Variants in ELOVL5 observed in about 807,000 individuals in gnomAD.
The protein encoded by ELOVL5 is very long chain fatty acid elongase 5.
In ELOVL5, 8 loss-of-function variants were observed where a neutral mutation model predicts 38.6. The ratio of observed to expected loss-of-function variants is 0.21; its 90% CI spans 0.12 to 0.37. ELOVL5 has a LOEUF of 0.37. Among genes scored for constraint, ELOVL5 ranks in the 10% least tolerant of loss-of-function variants. The probability of loss-of-function intolerance (pLI) is 1.00; values close to 1 mark genes in which losing one functional copy is unlikely to be tolerated. For synonymous variants in ELOVL5, 127 were observed against 133.7 expected, an observed-to-expected ratio of 0.95 and a Z score of 0.34; for missense variants, 280 against 367.8, an observed-to-expected ratio of 0.76 and a Z score of 1.95.
chr6:53,299,781 C>T (rs984991193), intron 1 of ELOVL5, among the ~76,000 whole-genome samples: 1 of 152,158 alleles, frequency 6.6e-6, no homozygotes, highest in Non-Finnish European at 1.5e-5. Flanking sequence ...GTGTTCTCTA[C>T]AAAAGCACAC....
At chr6:53,330,309 C>A (rs979180861) in intron 1 of ELOVL5, among the ~76,000 whole-genome samples, 1 of 152,064 alleles carries the variant, frequency 6.6e-6, no homozygotes, top group Non-Finnish European at 1.5e-5. Context: ...CTGTACAGGG[C>A]ACTTACCATG....
intron 1 of ELOVL5, among the ~76,000 whole-genome samples, chr6:53,338,750 C>T (rs1769191429): frequency 6.6e-6 from 1 of 152,246 alleles, no homozygotes; most frequent in South Asian, 2.1e-4. Context: ...TTTTCTGCTA[C>T]AGGCAACTGC....
At chr6:53,316,928 A>C (rs1349500914) in intron 1 of ELOVL5, among the ~76,000 whole-genome samples, 1 of 152,228 alleles carries the variant, frequency 6.6e-6, no homozygotes, top group Non-Finnish European at 1.5e-5. Context: ...GAGGCATGTC[A>C]TATAGTTTGA....
chr6:53,321,642 A>G (rs191214171), intron 1 of ELOVL5, among the ~76,000 whole-genome samples: 188 of 152,334 alleles, frequency 1.2e-3, no homozygotes, highest in Non-Finnish European at 1.9e-3. Flanking sequence ...AACAGCCTTT[A>G]TAACTGCAAC....
chr6:53,330,560 G>A (rs1581989035), intron 1 of ELOVL5, among the ~76,000 whole-genome samples: 1 of 79,936 alleles, frequency 1.3e-5, no homozygotes, highest in East Asian at 3.8e-4. Context: ...AGTCTATGTT[G>A]CCCAGTGGGG....
chr6:53,315,903 T>C (rs1479889999), intron 1 of ELOVL5, among the ~76,000 whole-genome samples: 1 of 152,226 alleles, frequency 6.6e-6, no homozygotes, highest in African/African-American at 2.4e-5. Context: ...TAATCTGTAA[T>C]ATGCATAATT....
At chr6:53,292,236 C>G (rs1244215484) in intron 2 of ELOVL5, among the ~76,000 whole-genome samples, 1 of 152,112 alleles carries the variant, frequency 6.6e-6, no homozygotes, top group Non-Finnish European at 1.5e-5. Context: ...AAGAAGAAAA[C>G]AAGGAGAAGG....
At chr6:53,303,904 C>T (rs1767370660) in intron 1 of ELOVL5, among the ~76,000 whole-genome samples, 1 of 152,200 alleles carries the variant, frequency 6.6e-6, no homozygotes, top group Non-Finnish European at 1.5e-5. Context: ...CCTCCCTGTC[C>T]TCTTGCCTTC....
intron 1 of ELOVL5, among the ~76,000 whole-genome samples, chr6:53,315,744 G>A (rs1418360700): frequency 6.6e-6 from 1 of 152,128 alleles, no homozygotes; most frequent in East Asian, 1.9e-4. Context: ...GACATTTACA[G>A]GGTCGCCCAA....
At chr6:53,328,627 T>TA (rs887393068) in intron 1 of ELOVL5, among the ~76,000 whole-genome samples, 7 of 152,052 alleles carry the variant, frequency 4.6e-5, no homozygotes, top group African/African-American at 7.2e-5. Flanking sequence ...AATCAACAGT[T>TA]AAAAAAAGGT....
intron 2 of ELOVL5, chr6:53,294,247 A>C: frequency 6.5e-7 from 1 of 1,530,622 alleles, no homozygotes; most frequent in Non-Finnish European, 8.8e-7. Context: ...GGATCTAGTC[A>C]ATCTGTGGTG....
chr6:53,315,565 T>C (rs1767996192), intron 1 of ELOVL5, among the ~76,000 whole-genome samples: 1 of 152,254 alleles, frequency 6.6e-6, no homozygotes, highest in South Asian at 2.1e-4. Flanking sequence ...GAAAGGGTTG[T>C]ACTATTGTAA....
chr6:53,302,461 A>ATGAGGAGAAGGCACAG (rs1767297208), intron 1 of ELOVL5, among the ~76,000 whole-genome samples: 1 of 152,182 alleles, frequency 6.6e-6, no homozygotes, highest in African/African-American at 2.4e-5. Flanking sequence ...GTTGGGGTTA[A>ATGAGGAGAAGGCACAG]TGAGGAGAAG....
At chr6:53,278,483 T>C (rs1311029256) in intron 3 of ELOVL5, among the ~76,000 whole-genome samples, 1 of 152,186 alleles carries the variant, frequency 6.6e-6, no homozygotes, top group African/African-American at 2.4e-5. Context: ...CAGGTGGGAT[T>C]GCCTTGACTC....
At chr6:53,320,791 A>G (rs1768273725) in intron 1 of ELOVL5, among the ~76,000 whole-genome samples, 1 of 152,186 alleles carries the variant, frequency 6.6e-6, no homozygotes, top group African/African-American at 2.4e-5. Context: ...GGACTGAAAA[A>G]ACAAACCATC....
chr6:53,278,906 G>A (rs1027030579), intron 3 of ELOVL5, among the ~76,000 whole-genome samples: 1 of 152,134 alleles, frequency 6.6e-6, no homozygotes, highest in Non-Finnish European at 1.5e-5. Context: ...AATCCTAGGT[G>A]CAGTGTCCAG....
intron 1 of ELOVL5, among the ~76,000 whole-genome samples, chr6:53,327,038 T>C (rs1418453999): frequency 2.6e-5 from 4 of 152,294 alleles, no homozygotes; most frequent in East Asian, 3.9e-4. Flanking sequence ...GATGAGCTCA[T>C]GTTTCCACAT....
chr6:53,276,444 C>T (rs1037905608), intron 3 of ELOVL5, among the ~76,000 whole-genome samples, 188 bp from the exon 4 acceptor site: 1 of 152,178 alleles, frequency 6.6e-6, no homozygotes, highest in Non-Finnish European at 1.5e-5. Flanking sequence ...TCTCAATTTC[C>T]TAAGGGGTGG....
chr6:53,289,619 C>G (rs529504626), intron 3 of ELOVL5, among the ~76,000 whole-genome samples: 1 of 152,274 alleles, frequency 6.6e-6, no homozygotes, highest in South Asian at 2.1e-4. Context: ...ACTAGGGAGG[C>G]TGAGGCAAGA....
Sources: gnomAD v4.1 joint callset for allele counts (sites outside exome capture counted in the v4.1 genomes callset) on GRCh38, gnomAD v4.1.1 for gene constraint, MANE v1.5 for transcripts, NCBI Gene and HGNC (gene_info 2026-07-23, HGNC 2026-07-21) for gene names.